Variants in STIM1 observed in about 807,000 individuals in gnomAD.
STIM1 encodes stromal interaction molecule 1.
Under a neutral mutation model 74.7 loss-of-function variants are expected in STIM1, and 25 were observed. The observed-to-expected ratio is 0.33, with a 90% confidence interval of 0.24 to 0.47. The LOEUF (loss-of-function observed/expected upper bound fraction) is 0.47. Among genes scored for constraint, STIM1 ranks in the 20% least tolerant of loss-of-function variants. The probability of loss-of-function intolerance (pLI) is 1.00; values close to 1 mark genes in which losing one functional copy is unlikely to be tolerated. For synonymous variants in STIM1, 328 were observed against 348.8 expected (o/e 0.94, Z 0.66); for missense variants, 728 against 920.8 (o/e 0.79, Z 2.71).
At chr11:4,047,635 A>T (rs531676933) in intron 3 of STIM1, among the ~76,000 whole-genome samples, 1 of 151,612 alleles carries the variant, frequency 6.6e-6, no homozygotes, top group Non-Finnish European at 1.5e-5. Context: ...AAAACAAAAC[A>T]AAACAAAGAC....
chr11:4,012,817 A>AT (rs1281666922), intron 2 of STIM1, among the ~76,000 whole-genome samples: 1 of 152,176 alleles, frequency 6.6e-6, no homozygotes, highest in Non-Finnish European at 1.5e-5. Flanking sequence ...TTCAAAGGGT[A>AT]TGTTTCCAGC....
chr11:3,982,142 A>AC (rs1181430297), intron 2 of STIM1, among the ~76,000 whole-genome samples: 1 of 149,180 alleles, frequency 6.7e-6, no homozygotes, highest in Non-Finnish European at 1.5e-5. Flanking sequence ...TCTTCCAACT[A>AC]CAGCCTCCTG....
At chr11:3,897,990 T>A (rs1443293453) in intron 1 of STIM1, among the ~76,000 whole-genome samples, 4 of 152,228 alleles carry the variant, frequency 2.6e-5, no homozygotes, top group African/African-American at 9.6e-5. Context: ...TGCATGTGTC[T>A]TTATAGCAGC....
intron 1 of STIM1, among the ~76,000 whole-genome samples, chr11:3,924,175 TG>T (rs2092757083): frequency 6.6e-6 from 1 of 150,824 alleles, no homozygotes. Context: ...TGTCTTGTAG[TG>T]GTCTTATATA....
intron 2 of STIM1, among the ~76,000 whole-genome samples, chr11:3,977,236 G>A (rs1461395920): frequency 6.6e-6 from 1 of 152,226 alleles, no homozygotes; most frequent in Non-Finnish European, 1.5e-5. Context: ...TGTGTTGAAT[G>A]ACTGACCAAT....
chr11:4,002,830 T>G (rs1355353408), intron 2 of STIM1, among the ~76,000 whole-genome samples: 1 of 145,798 alleles, frequency 6.9e-6, no homozygotes, highest in African/African-American at 2.5e-5. Context: ...ACAAAATTGA[T>G]AGACCGCTAG....
chr11:3,982,493 G>A (rs541053985), intron 2 of STIM1, among the ~76,000 whole-genome samples: 20 of 152,218 alleles, frequency 1.3e-4, no homozygotes, highest in Admixed American at 2.6e-4. Context: ...TCTTTAACTC[G>A]TACTACCATT....
intron 1 of STIM1, among the ~76,000 whole-genome samples, chr11:3,930,875 C>T (rs1451252833): frequency 1.3e-5 from 2 of 152,190 alleles, no homozygotes; most frequent in East Asian, 3.8e-4. Flanking sequence ...TCATTTTGGG[C>T]TGGAGCTCTG....
intron 2 of STIM1, among the ~76,000 whole-genome samples, chr11:4,011,900 A>G (rs1049701067): frequency 2.0e-5 from 3 of 152,168 alleles, no homozygotes; most frequent in Admixed American, 1.3e-4. Context: ...TAATTTTTGT[A>G]TAAGGTGTAA....
chr11:3,923,578 C>T (rs2092747750), intron 1 of STIM1, among the ~76,000 whole-genome samples: 1 of 147,632 alleles, frequency 6.8e-6, no homozygotes, highest in Admixed American at 6.8e-5. Context: ...CACTGTACTC[C>T]AGCCCAGGCG....
chr11:3,870,948 C>T (rs548954597), intron 1 of STIM1, among the ~76,000 whole-genome samples: 7 of 146,878 alleles, frequency 4.8e-5, no homozygotes, highest in Non-Finnish European at 7.4e-5. Flanking sequence ...TCTCGGCTCA[C>T]TGCAACCTCT....
intron 1 of STIM1, among the ~76,000 whole-genome samples, chr11:3,943,929 A>G (rs2093041177): frequency 6.6e-6 from 1 of 152,248 alleles, no homozygotes; most frequent in South Asian, 2.1e-4. Context: ...GTATTAGTCA[A>G]AGGATATCTT....
At chr11:3,881,070 A>G (rs1483692791) in intron 1 of STIM1, among the ~76,000 whole-genome samples, 1 of 149,342 alleles carries the variant, frequency 6.7e-6, no homozygotes, top group African/African-American at 2.5e-5. Context: ...CTTTTAGAGT[A>G]TGGTGACGTA....
intron 1 of STIM1, among the ~76,000 whole-genome samples, chr11:3,909,478 A>G (rs2092524261): frequency 1.3e-5 from 2 of 152,180 alleles, no homozygotes; most frequent in African/African-American, 4.8e-5. Flanking sequence ...TATATTCAGT[A>G]AGGCTATTCT....
chr11:3,955,868 A>G (rs575192724), intron 1 of STIM1, among the ~76,000 whole-genome samples: 1 of 152,104 alleles, frequency 6.6e-6, no homozygotes, highest in Admixed American at 6.5e-5. Flanking sequence ...AAGAAGGATC[A>G]TAAAAAGCAG....
At chr11:4,041,221 C>G (rs1437846159) in intron 3 of STIM1, among the ~76,000 whole-genome samples, 1 of 152,160 alleles carries the variant, frequency 6.6e-6, no homozygotes, top group Non-Finnish European at 1.5e-5. Flanking sequence ...TCCCTGTGAC[C>G]TAGCATTTAT....
intron 1 of STIM1, among the ~76,000 whole-genome samples, chr11:3,960,675 T>C (rs1303903545): frequency 6.6e-6 from 1 of 152,206 alleles, no homozygotes; most frequent in East Asian, 1.9e-4. Flanking sequence ...TTGGGTATAG[T>C]CTCGTATAAG....
At chr11:4,008,080 C>G (rs2093800608) in intron 2 of STIM1, among the ~76,000 whole-genome samples, 1 of 152,082 alleles carries the variant, frequency 6.6e-6, no homozygotes, top group Admixed American at 6.6e-5. Context: ...TAAGGACATT[C>G]AGTCAACAGT....
At chr11:3,904,907 T>C (rs1404860779) in intron 1 of STIM1, among the ~76,000 whole-genome samples, 1 of 152,070 alleles carries the variant, frequency 6.6e-6, no homozygotes, top group African/African-American at 2.4e-5. Flanking sequence ...GAGAGAATCA[T>C]GAACTCTAAG....
Sources: allele counts gnomAD v4.1 joint callset (sites outside exome capture counted in the v4.1 genomes callset), GRCh38; gene constraint gnomAD v4.1.1; transcripts MANE v1.5; gene names NCBI Gene and HGNC (gene_info 2026-07-23, HGNC 2026-07-21).